CRPPA: variants seen among roughly 807,000 people sequenced by gnomAD.
CRPPA encodes the protein D-ribitol-5-phosphate cytidylyltransferase.
A neutral mutation model predicts 52.0 loss-of-function variants in CRPPA; 43 were observed. That is an observed-to-expected ratio of 0.83 (90% CI 0.65 to 1.07). The LOEUF is 1.07. Ranked by LOEUF, CRPPA falls within the 50% of genes least tolerant of loss-of-function variation. The probability of loss-of-function intolerance (pLI) is 0.00; values close to 1 mark genes in which losing one functional copy is unlikely to be tolerated. For missense variants in CRPPA, 629 were observed against 551.7 expected, an observed-to-expected ratio of 1.14 and a Z score of -1.40; for synonymous variants, 250 against 203.5, an observed-to-expected ratio of 1.23 and a Z score of -1.94.
chr7:16,263,809 C>T (rs1783879573), intron 6 of CRPPA, among the ~76,000 whole-genome samples: 1 of 150,518 alleles, frequency 6.6e-6, no homozygotes. Flanking sequence ...AATGCCCAGC[C>T]ATATAGTGTT....
chr7:16,362,804 A>C (rs749912401), intron 3 of CRPPA, among the ~76,000 whole-genome samples: 19 of 152,218 alleles, frequency 1.2e-4, no homozygotes, highest in Non-Finnish European at 2.1e-4. Flanking sequence ...CTGCGCATTT[A>C]ACTCGAGATA....
intron 2 of CRPPA, among the ~76,000 whole-genome samples, chr7:16,379,924 G>A (rs1180180559): frequency 6.6e-6 from 1 of 152,136 alleles, no homozygotes; most frequent in African/African-American, 2.4e-5. Flanking sequence ...ATACAATCAT[G>A]TCATCTGCAA....
chr7:16,233,567 T>C (rs1583452483), intron 8 of CRPPA, among the ~76,000 whole-genome samples: 2 of 152,142 alleles, frequency 1.3e-5, no homozygotes, highest in South Asian at 2.1e-4. Context: ...CAGTGACTAA[T>C]ACAAAAAATA....
intron 5 of CRPPA, among the ~76,000 whole-genome samples, chr7:16,287,864 G>A: frequency 6.9e-6 from 1 of 144,484 alleles, no homozygotes; most frequent in South Asian, 2.3e-4. Flanking sequence ...AGAGGTTGCA[G>A]TGAGCCAAGA....
At chr7:16,123,572 T>C (rs936781496) in intron 9 of CRPPA, among the ~76,000 whole-genome samples, 3 of 152,172 alleles carry the variant, frequency 2.0e-5, no homozygotes, top group Admixed American at 6.5e-5. Context: ...CCACCCAACA[T>C]GCTAGGCCAC....
intron 1 of CRPPA, among the ~76,000 whole-genome samples, chr7:16,416,251 A>C (rs1309265283): frequency 2.0e-5 from 3 of 152,176 alleles, no homozygotes; most frequent in African/African-American, 7.2e-5. Context: ...GTTGCCAAAA[A>C]TAAGCAATTT....
At chr7:16,232,185 TTGGCAATAGCCATGAGCCATAC>T (rs1351213128) in intron 8 of CRPPA, among the ~76,000 whole-genome samples, 2 of 152,146 alleles carry the variant, frequency 1.3e-5, no homozygotes, top group Non-Finnish European at 2.9e-5. Context: ...GTTGGAAAAA[TTGGCAATAGCCATGAGCCATAC>T]TAGAAAACTT....
rs1248760297 is a variant in CRPPA at position 16,124,113 on chromosome 7, TTA to T, written c.1252-32316_1252-32315del. On this transcript the variant is annotated intron_variant, in intron 9 of 9. Transcript: ENST00000407010. Reference sequence around the variant, plus strand: ...ATATAGGCTCAATTTCTTTCTTTTTTTATTTTTTTTTTGAGGAACCTCCATAC... The same window carrying T: ...ATATAGGCTCAATTTCTTTCTTTTTTTTTTTTTTTTGAGGAACCTCCATAC... 9.4e-5 allele frequency among the ~76,000 whole-genome samples: 14 copies of T among 148,734 alleles called. 3 individuals are homozygous for T. The highest frequency in any genetic ancestry group is 1.2e-4 in the Non-Finnish European group (8 of 67,046).
intron 9 of CRPPA, among the ~76,000 whole-genome samples, chr7:16,177,224 G>C (rs2128386689): frequency 6.6e-6 from 1 of 152,184 alleles, no homozygotes. Context: ...TACCCTAGTT[G>C]TGCTGGTGGT....
intron 9 of CRPPA, among the ~76,000 whole-genome samples, chr7:16,116,081 CAT>C (rs1268875110): frequency 3.3e-5 from 5 of 152,072 alleles, no homozygotes; most frequent in Non-Finnish European, 5.9e-5. Flanking sequence ...GGGATATTTA[CAT>C]AGTTTCCAAA....
chr7:16,129,061 C>T (rs10240830), intron 9 of CRPPA, among the ~76,000 whole-genome samples: 16,284 of 151,998 alleles, frequency 0.11, 1,229 homozygotes, highest in African/African-American at 0.2. Context: ...TTCAGTAATC[C>T]ATCCAATTTT....
At chr7:16,188,712 C>T (rs1781552267) in intron 9 of CRPPA, among the ~76,000 whole-genome samples, 1 of 152,136 alleles carries the variant, frequency 6.6e-6, no homozygotes, top group African/African-American at 2.4e-5. Flanking sequence ...AAATAATACT[C>T]ATCAACAACC....
At chr7:16,104,828 A>G (rs1782117707) in intron 9 of CRPPA, among the ~76,000 whole-genome samples, 1 of 151,376 alleles carries the variant, frequency 6.6e-6, no homozygotes, top group South Asian at 2.1e-4. Context: ...TGAACCTGGG[A>G]GGCGGAGGCT....
chr7:16,290,165 T>C (rs1784529523), intron 5 of CRPPA, among the ~76,000 whole-genome samples: 1 of 151,840 alleles, frequency 6.6e-6, no homozygotes, highest in African/African-American at 2.4e-5. Context: ...CATTAAAAAA[T>C]GGGAAGACAT....
chr7:16,198,629 A>G (rs1426650028), intron 9 of CRPPA, among the ~76,000 whole-genome samples: 1 of 145,946 alleles, frequency 6.9e-6, no homozygotes, highest in East Asian at 2.5e-4. Flanking sequence ...TTCTTTTCCA[A>G]ATCTCTCGTC....
intron 8 of CRPPA, among the ~76,000 whole-genome samples, chr7:16,245,694 TG>T: frequency 6.6e-6 from 1 of 152,272 alleles, no homozygotes; most frequent in African/African-American, 2.4e-5. Flanking sequence ...TCAAAAATAT[TG>T]GGAGTTTCCC....
intron 3 of CRPPA, among the ~76,000 whole-genome samples, chr7:16,359,592 T>G (rs1469528214): frequency 6.6e-6 from 1 of 152,186 alleles, no homozygotes; most frequent in Non-Finnish European, 1.5e-5. Flanking sequence ...AGAACCTAAT[T>G]TAAGATGCAG....
At chr7:16,397,847 AATC>A (rs371320299) in intron 2 of CRPPA, among the ~76,000 whole-genome samples, 6 of 152,240 alleles carry the variant, frequency 3.9e-5, no homozygotes, top group Non-Finnish European at 5.9e-5. Flanking sequence ...ATCAACACGT[AATC>A]ATCACGTGAT....
At chr7:16,116,889 T>G (rs1296471125) in intron 9 of CRPPA, among the ~76,000 whole-genome samples, 1 of 152,168 alleles carries the variant, frequency 6.6e-6, no homozygotes, top group Non-Finnish European at 1.5e-5. Context: ...GTTAACCACC[T>G]GACAGGGACT....
Sources: allele counts gnomAD v4.1 joint callset (sites outside exome capture counted in the v4.1 genomes callset), GRCh38; gene constraint gnomAD v4.1.1; transcripts MANE v1.5; gene names NCBI Gene and HGNC (gene_info 2026-07-23, HGNC 2026-07-21).